The following ADCY3 variants were observed in gnomAD, a reference collection of about 807,000 sequenced individuals.
ADCY3 encodes the protein adenylate cyclase type 3.
ADCY3 carries 70 observed loss-of-function variants against 119.4 expected under a neutral mutation model. The observed-to-expected ratio is 0.59, with a 90% CI of 0.48 to 0.72. ADCY3 has a LOEUF of 0.72. Among genes scored for constraint, ADCY3 ranks in the 30% least tolerant of loss-of-function variants. The pLI is 0.00. For missense variants in ADCY3, 1,238 were observed against 1,541.6 expected, an observed-to-expected ratio of 0.80 and a Z score of 3.30; for synonymous variants, 672 against 621.4, an observed-to-expected ratio of 1.08 and a Z score of -1.21.
chr2:24,882,211 G>T (rs961514908), intron 2 of ADCY3, among the ~76,000 whole-genome samples: 7 of 152,076 alleles, frequency 4.6e-5, no homozygotes, highest in East Asian at 1.9e-4. Flanking sequence ...CACGTTTCAG[G>T]GGTGTAGATG....
intron 2 of ADCY3, among the ~76,000 whole-genome samples, chr2:24,885,328 T>C (rs1865689): frequency 0.49 from 75,102 of 152,124 alleles, 20,362 homozygotes; most frequent in African/African-American, 0.73. Context: ...GGAGACCTTA[T>C]GGCGGGACCA....
intron 3 of ADCY3, among the ~76,000 whole-genome samples, chr2:24,855,672 G>C (rs903482511): frequency 1.3e-5 from 2 of 152,200 alleles, no homozygotes; most frequent in Non-Finnish European, 2.9e-5. Context: ...AACAAGCCCT[G>C]GAAGTTCCTA....
At chr2:24,832,757 C>T (rs1383496769) in intron 11 of ADCY3, among the ~76,000 whole-genome samples, 1 of 152,218 alleles carries the variant, frequency 6.6e-6, no homozygotes, top group African/African-American at 2.4e-5. Flanking sequence ...TCTCCAACCC[C>T]ACCCGCCCTC....
intron 3 of ADCY3, among the ~76,000 whole-genome samples, chr2:24,843,499 G>A (rs934786154): frequency 2.0e-5 from 3 of 152,186 alleles, no homozygotes; most frequent in African/African-American, 7.2e-5. Flanking sequence ...AGTTTTCCTG[G>A]CACCCAGCCA....
chr2:24,903,383 C>A (rs1679136358), intron 2 of ADCY3, among the ~76,000 whole-genome samples: 1 of 152,118 alleles, frequency 6.6e-6, no homozygotes, highest in South Asian at 2.1e-4. Flanking sequence ...CCACAACCGT[C>A]TGTCTCGATC....
At chr2:24,846,077 T>G (rs1026636557) in intron 3 of ADCY3, among the ~76,000 whole-genome samples, 9 of 152,196 alleles carry the variant, frequency 5.9e-5, no homozygotes, top group African/African-American at 2.2e-4. Flanking sequence ...CAAGGAAAAG[T>G]GTGCTGCAAG....
In ADCY3 at chr2:24,878,788, A is replaced by G. The variant is rs1676024986; in HGVS notation, c.676-6069T>C. Among the ~76,000 whole-genome samples, 1 of 152,180 alleles carries G rather than the reference A, an allele frequency of 6.6e-6. No individual in the cohort carries two copies. ...TGCAGACGCCTGTAGAGGCTGCTGCAGTGGCTCCTTAAGTCCCTATGAAAT... is the reference window on the plus strand; with the variant it reads ...TGCAGACGCCTGTAGAGGCTGCTGCGGTGGCTCCTTAAGTCCCTATGAAAT... On this transcript the variant is annotated intron_variant, in intron 2 of 21. Coordinates refer to ENST00000679454, the MANE Select transcript of ADCY3 (RefSeq NM_004036.5). This position sits in a 1 kb window ranked among gnomAD's most constrained non-coding sequence, Gnocchi z 4.0.
chr2:24,860,354 G>C (rs1482833711), intron 3 of ADCY3, among the ~76,000 whole-genome samples: 2 of 152,240 alleles, frequency 1.3e-5, no homozygotes, highest in African/African-American at 4.8e-5. Flanking sequence ...CCACAGAGCC[G>C]GGAGGCTGGA....
intron 2 of ADCY3, among the ~76,000 whole-genome samples, chr2:24,913,809 T>C (rs765428749): frequency 2.6e-5 from 4 of 152,228 alleles, no homozygotes; most frequent in South Asian, 2.1e-4. Context: ...CTTCCTCATG[T>C]TTTACTTGGT....
intron 2 of ADCY3, among the ~76,000 whole-genome samples, chr2:24,909,177 C>T (rs760429967): frequency 1.4e-4 from 21 of 152,338 alleles, no homozygotes; most frequent in African/African-American, 2.6e-4. Flanking sequence ...CCATCCCCTA[C>T]GTCCGTCCTG....
In ADCY3 at chr2:24,841,351, G is replaced by A; in HGVS notation, c.1104C>T (p.Asp368=). The A allele has an allele frequency of 6.2e-7, 1 of 1,606,014 alleles. No homozygotes were observed. The highest frequency in any genetic ancestry group is 1.3e-5 in the African/African-American group (1 of 74,980). ...GCAAGCCGCAGATGCAGTAGTAGCA[G>A]TCGCCCAGGATCTTAATCCGCAGCT... ...YHQLRIKILG[D]CYYCICGLPD... Residue 368 remains aspartate (D), a synonymous_variant, in exon 6 of 22, where the codon GAC becomes GAT. Coordinates refer to ENST00000679454, the MANE Select transcript of ADCY3 (RefSeq NM_004036.5). The surrounding 1 kb of genome is among the most constrained non-coding windows in gnomAD (Gnocchi z 5.8).
intron 2 of ADCY3, among the ~76,000 whole-genome samples, chr2:24,889,800 C>T (rs1677470997): frequency 6.6e-6 from 1 of 152,244 alleles, no homozygotes. Flanking sequence ...CGCGCCATTG[C>T]ACTCCAGCCT....
chr2:24,844,747 C>T (rs1340026983), intron 3 of ADCY3, among the ~76,000 whole-genome samples: 9 of 152,208 alleles, frequency 5.9e-5, no homozygotes, highest in Non-Finnish European at 1.3e-4. Flanking sequence ...CAGGGAATCA[C>T]ACCATTAGGA....
chr2:24,869,509 G>A (rs545847005), intron 3 of ADCY3, among the ~76,000 whole-genome samples: 8 of 152,116 alleles, frequency 5.3e-5, no homozygotes, highest in South Asian at 4.1e-4. Context: ...GGGCTCAAGC[G>A]ATCCTCCCAC....
intron 2 of ADCY3, among the ~76,000 whole-genome samples, chr2:24,911,549 C>T (rs1663645239): frequency 6.7e-6 from 1 of 149,318 alleles, no homozygotes; most frequent in Non-Finnish European, 1.5e-5. Context: ...ACTTGGGAGG[C>T]TGAGGCAGGA....
intron 19 of ADCY3, chr2:24,822,309 G>A (rs1040487326): frequency 2.0e-5 from 13 of 662,996 alleles, no homozygotes; most frequent in Middle Eastern, 4.6e-4. Context: ...TGAACAGCAG[G>A]GGGTTGTGTG....
intron 3 of ADCY3, among the ~76,000 whole-genome samples, chr2:24,850,906 G>A (rs999852986): frequency 6.6e-6 from 1 of 152,198 alleles, no homozygotes; most frequent in Non-Finnish European, 1.5e-5. Flanking sequence ...CTGACGCTGG[G>A]ATCTATGTGT....
chr2:24,917,349 TGCAGGG>T (rs1316425881), intron 2 of ADCY3, among the ~76,000 whole-genome samples: 1 of 152,210 alleles, frequency 6.6e-6, no homozygotes, highest in Non-Finnish European at 1.5e-5. Flanking sequence ...GACAGAGCAC[TGCAGGG>T]GCAGGAAGTG....
rs1671041929 is a variant in ADCY3, at chr2:24,841,762, GA to G, written c.957-96del. The stretch of plus-strand genomic sequence containing the variant: ...CCTCTCCAACCCACAGGGCAGCCAG[GA>G]TCAGGGCAGGAGAAGGTCCTCCCTC... On this transcript the variant is annotated intron_variant, in intron 4 of 21. Transcript: ENST00000679454. The surrounding 1 kb of genome is among the most constrained non-coding windows in gnomAD (Gnocchi z 5.8). 1 of 916,662 alleles carries G rather than the reference GA, an allele frequency of 1.1e-6. No individual in the cohort carries two copies. The highest frequency in any genetic ancestry group is 1.5e-5 in the South Asian group (1 of 68,382). The allele number at this position is 916,662 out of a possible 1,614,324, so 56.8% of individuals were successfully genotyped here. A position where few individuals can be genotyped will look rare whatever the true frequency, so the allele number is the denominator to read the frequency against.
Sources: gnomAD v4.1 joint callset for allele counts (sites outside exome capture counted in the v4.1 genomes callset) on GRCh38, gnomAD v4.1.1 for gene constraint, Gnocchi (gnomAD v3.1) non-coding constraint, MANE v1.5 for transcripts, NCBI Gene and HGNC (gene_info 2026-07-23, HGNC 2026-07-21) for gene names.